The following CAPN14 variants were observed in gnomAD, a reference collection of about 807,000 sequenced individuals.
The protein encoded by CAPN14 is calpain-14.
Under a neutral mutation model 101.3 loss-of-function variants are expected in CAPN14, and 94 were observed. The ratio of observed to expected loss-of-function variants is 0.93; its 90% CI spans 0.79 to 1.10. The LOEUF (loss-of-function observed/expected upper bound fraction) is 1.10, where lower values mean the gene tolerates loss of function less well. Ranked by LOEUF, CAPN14 falls within the 50% of genes least tolerant of loss-of-function variation. The pLI is 0.00. For missense variants in CAPN14, 837 were observed against 828.4 expected, an observed-to-expected ratio of 1.01 and a Z score of -0.13; for synonymous variants, 338 against 317.9, an observed-to-expected ratio of 1.06 and a Z score of -0.67.
chr2:31,198,794 C>T (rs1319290564), intron 7 of CAPN14, among the ~76,000 whole-genome samples: 1 of 152,138 alleles, frequency 6.6e-6, no homozygotes, highest in Non-Finnish European at 1.5e-5. Flanking sequence ...TTTGCTTACA[C>T]TGCTCCCTCC....
upstream of CAPN14, among the ~76,000 whole-genome samples, chr2:31,221,849 A>G (rs142840059): frequency 2.6e-5 from 4 of 152,342 alleles, no homozygotes; most frequent in East Asian, 7.7e-4. Context: ...GAAAAGAGGG[A>G]CAAAGTGCCT....
rs1297052367 is a variant in CAPN14 at position 31,189,379 on chromosome 2, C to T, written c.1387G>A (p.Glu463Lys). 1.9e-6 allele frequency: 3 copies of T among 1,551,746 alleles called. No homozygotes were observed. Among genetic ancestry groups the T allele is most frequent in the East Asian group, 4.9e-5 (2 of 40,910 alleles). The part of the protein sequence containing the change: ...RFLKEKEVSQ[E>K]LCLEPGTYLI... ...TACGTCCCTGGTTCCAGACACAGCT[C>T]CTGACTCACTTCTTTCTCCTTGAGA... The change falls in exon 13 of 22, where the codon GAG becomes AAG. Residue 463 changes from glutamate to lysine, a missense_variant. Transcript: ENST00000403897.
At chr2:31,191,300 G>A (rs899434283) in intron 12 of CAPN14, 99 bp downstream of exon 12, 45 of 1,165,852 alleles carry the variant, frequency 3.9e-5, no homozygotes, top group Middle Eastern at 3.9e-4. Flanking sequence ...AGCTTCTTAC[G>A]CAGTAGAAGC....
intron 16 of CAPN14, among the ~76,000 whole-genome samples, chr2:31,181,445 T>TCC (rs1403308191): frequency 7.7e-6 from 1 of 129,266 alleles, no homozygotes; most frequent in African/African-American, 3.0e-5. Context: ...TTTCTTTCTT[T>TCC]TTCTTTCTTT....
At chr2:31,228,088 C>T (rs7595906) in intron 1 of CAPN14, among the ~76,000 whole-genome samples, 2 of 152,050 alleles carry the variant, frequency 1.3e-5, no homozygotes, top group Non-Finnish European at 2.9e-5. Context: ...GTGGGAGGCA[C>T]GCATGCGTGC....
rs141192530 is a variant in CAPN14, at chr2:31,177,184, G to A, written c.1856-42C>T. The A allele has an allele frequency of 6.2e-3, 8,699 of 1,400,396 alleles. 75 individuals are homozygous for A. The highest frequency in any genetic ancestry group is 6.9e-3 in the East Asian group (277 of 39,884). 86.7% of individuals were successfully genotyped at this position (1,400,396 alleles called of 1,614,324 possible). A position where few individuals can be genotyped will look rare whatever the true frequency, so the allele number is the denominator to read the frequency against. ...CTCCTGCTGTGGGTATTGGGGGCTT[G>A]CACCCAGCTCCCCTCCTGCTCAAGG... On this transcript the variant is annotated intron_variant, in intron 19 of 21. Transcript: ENST00000403897.
intron 17 of CAPN14, among the ~76,000 whole-genome samples, chr2:31,178,811 C>T (rs1213663699): frequency 1.3e-5 from 2 of 151,824 alleles, no homozygotes; most frequent in Non-Finnish European, 2.9e-5. Flanking sequence ...CTGGGAGAAG[C>T]GATGATGATG....
At chr2:31,212,691 C>T (rs1682462395) in intron 1 of CAPN14, among the ~76,000 whole-genome samples, 1 of 152,242 alleles carries the variant, frequency 6.6e-6, no homozygotes, top group African/African-American at 2.4e-5. Context: ...AGTCCCTGCC[C>T]TGATGTTCAG....
intron 1 of CAPN14, among the ~76,000 whole-genome samples, chr2:31,215,951 C>T (rs1682625527): frequency 6.6e-6 from 1 of 151,440 alleles, no homozygotes; most frequent in South Asian, 2.1e-4. Context: ...AACAGAAATG[C>T]TTAAATCTAT....
chr2:31,175,968 G>T (rs1680267546), intron 21 of CAPN14, among the ~76,000 whole-genome samples: 1 of 152,158 alleles, frequency 6.6e-6, no homozygotes, highest in Non-Finnish European at 1.5e-5. Context: ...ACATAAATTT[G>T]TATTCTCCTA....
At position 31,197,184 on chromosome 2, in the gene CAPN14, C is replaced by G. The variant is rs1294619410; in HGVS notation, c.875+65G>C. The G allele has an allele frequency of 2.7e-6, 3 of 1,101,416 alleles. No homozygotes were observed. The Admixed American group carries it at 6.1e-5, about 22-fold the overall frequency. The allele number at this position is 1,101,416 out of a possible 1,614,324, so 68.2% of individuals were successfully genotyped here. On this transcript the variant is annotated intron_variant, in intron 8 of 21. Transcript: ENST00000403897. ...GAAAGCACACATTTGAATCTGTGTG[C>G]AAATGGCAGCCTCCTTTGCCTAACC...
chr2:31,218,489 CA>C (rs146620906), upstream of CAPN14, among the ~76,000 whole-genome samples: 1,443 of 152,270 alleles, frequency 9.5e-3, 22 homozygotes, highest in African/African-American at 0.031. Context: ...CTCTCCAACT[CA>C]ATCATTTTGT....
upstream of CAPN14, among the ~76,000 whole-genome samples, chr2:31,218,516 C>A (rs190673806): frequency 3.7e-4 from 57 of 152,286 alleles, 1 homozygote; most frequent in East Asian, 0.01. Context: ...TATCACTCCA[C>A]CCATTTTATT....
In CAPN14 at chr2:31,174,043, G is replaced by C. The variant is rs181893897; in HGVS notation, c.*638C>G. On this transcript the variant is annotated 3_prime_UTR_variant, in exon 22 of 22. Transcript: ENST00000403897. ...GTTTTAAATCTACTAGGTTGCCCCA[G>C]ATCCAATCATACGGAGATATTGTCA... is the stretch of plus-strand genomic sequence containing the variant. 6.5e-6 allele frequency: 1 copy of C among 152,684 alleles called. No individual in the cohort carries two copies. The highest frequency in any genetic ancestry group is 1.5e-5 in the Non-Finnish European group (1 of 68,486). The allele number at this position is 152,684 out of a possible 1,614,324, so 9.5% of individuals were successfully genotyped here. A position where few individuals can be genotyped will look rare whatever the true frequency, so the allele number is the denominator to read the frequency against.
rs949302029 is a variant in CAPN14 at position 31,173,842 on chromosome 2, A to G, written c.*839T>C. 2.6e-5 allele frequency: 4 copies of G among 152,212 alleles called. No individual in the cohort carries two copies. The highest frequency in any genetic ancestry group is 9.7e-5 in the African/African-American group (4 of 41,444). 9.4% of individuals were successfully genotyped at this position (152,212 alleles called of 1,614,324 possible). ...CAAGGTGTTTCATGGTAGTTCAAAA[A>G]ATCAGATATACCAACCACCCACTGA... On this transcript the variant is annotated 3_prime_UTR_variant, in exon 22 of 22. Coordinates refer to ENST00000403897, the MANE Select transcript of CAPN14 (RefSeq NM_001145122.2).
chr2:31,177,903 C>T, intron 18 of CAPN14, 82 bp from the exon 19 acceptor site: 1 of 956,640 alleles, frequency 1.0e-6, no homozygotes, highest in Non-Finnish European at 1.7e-6. Context: ...CTTGTCAGCA[C>T]CGCAGAGGGG....
chr2:31,181,001 C>T lies in CAPN14; in HGVS notation c.1646-1G>A, dbSNP rs1680565727. 6.4e-7 allele frequency: 1 copy of T among 1,551,558 alleles called. No individual in the cohort carries two copies. Among genetic ancestry groups the T allele is most frequent in the Admixed American group, 2.0e-5 (1 of 50,980 alleles). On this transcript the variant is annotated splice_acceptor_variant, in intron 16 of 21. Transcript: ENST00000403897. LOFTEE classifies it high-confidence loss of function. The stretch of plus-strand genomic sequence containing the variant: ...AAGAAGGGCTGTCTGCTCCCCAGAC[C>T]TGTGAAGGAGCGAAAGAGTCCACAT...
At chr2:31,194,038 T>C (rs932999400) in intron 9 of CAPN14, among the ~76,000 whole-genome samples, 2 of 152,166 alleles carry the variant, frequency 1.3e-5, no homozygotes, top group African/African-American at 4.8e-5. Context: ...TGGAGGGCAC[T>C]GGTCAGGGGC....
chr2:31,189,556 T>G, intron 12 of CAPN14, 78 bp from the exon 13 acceptor site: 2 of 1,208,620 alleles, frequency 1.7e-6, no homozygotes, highest in African/African-American at 1.5e-5. Flanking sequence ...CTCAAAGCTC[T>G]GAGCCAGGAC....
Sources: gnomAD v4.1 joint callset for allele counts (sites outside exome capture counted in the v4.1 genomes callset) on GRCh38, gnomAD v4.1.1 for gene constraint, MANE v1.5 for transcripts, NCBI Gene and HGNC (gene_info 2026-07-23, HGNC 2026-07-21) for gene names.